ITGA1: variants seen among roughly 807,000 people sequenced by gnomAD.
The protein encoded by ITGA1 is integrin subunit alpha 1.
ITGA1 carries 85 observed loss-of-function variants against 145.9 expected under a neutral mutation model. The ratio of observed to expected loss-of-function variants is 0.58; its 90% CI spans 0.49 to 0.70. The LOEUF (loss-of-function observed/expected upper bound fraction) is 0.70, where lower values mean the gene tolerates loss of function less well. Among genes scored for constraint, ITGA1 ranks in the 30% least tolerant of loss-of-function variants. The pLI is 0.00. For missense variants in ITGA1, 1,351 were observed against 1,418.7 expected (o/e 0.95, Z 0.77); for synonymous variants, 520 against 495.3 (o/e 1.05, Z -0.66).
At chr5:52,801,218 T>G (rs1748473971) in intron 1 of ITGA1, 1 of 1,293,908 alleles carries the variant, frequency 7.7e-7, no homozygotes, top group Admixed American at 2.3e-5. Flanking sequence ...GAAGAGAAAG[T>G]CTTTACTTAG....
intron 1 of ITGA1, among the ~76,000 whole-genome samples, chr5:52,826,190 T>A (rs183436125): frequency 6.6e-6 from 1 of 152,278 alleles, no homozygotes; most frequent in Non-Finnish European, 1.5e-5. Context: ...AAAGCAGCCT[T>A]ATTGCTGATA....
chr5:52,908,971 T>G lies in ITGA1; in HGVS notation c.1529T>G (p.Val510Gly), dbSNP rs1461860609. The G allele has an allele frequency of 6.2e-7, 1 of 1,613,882 alleles. No homozygotes were observed. Among genetic ancestry groups the G allele is most frequent in the Non-Finnish European group, 8.5e-7 (1 of 1,179,828 alleles). ...DKDSNTDILL[V>G]GAPMYMGTEK... ...GATTCTAATACTGACATTCTTCTAG[T>G]CGGAGCCCCTATGTACATGGGAACA... Residue 510 changes from valine (V) to glycine (G), a missense_variant, in exon 13 of 29, where the codon GTC (valine) becomes GGC (glycine). Transcript: ENST00000282588.
Position 52,884,061 on chromosome 5 carries a change from G to C in ITGA1, c.773+2040G>C, listed in dbSNP as rs138919429. On this transcript the variant is annotated intron_variant, in intron 7 of 28. Transcript: ENST00000282588. Reference sequence around the variant, plus strand: ...CCTAAGGAATTTGAATTTCAAAAGTGATTGAATCTCATATGATATTCGCAT... The same window carrying C: ...CCTAAGGAATTTGAATTTCAAAAGTCATTGAATCTCATATGATATTCGCAT... Among the ~76,000 whole-genome samples the C allele has an allele frequency of 1.3e-3, 195 of 152,278 alleles. 2 individuals carry two copies. In the South Asian group the frequency reaches 0.033, roughly 26 times the overall value.
intron 6 of ITGA1, among the ~76,000 whole-genome samples, chr5:52,876,426 C>A (rs1749866739): frequency 6.6e-6 from 1 of 152,156 alleles, no homozygotes; most frequent in Non-Finnish European, 1.5e-5. Flanking sequence ...TCACAGCACA[C>A]CTTACTCTTT....
chr5:52,950,976 C>T (rs967482619), intron 28 of ITGA1, among the ~76,000 whole-genome samples: 5 of 152,096 alleles, frequency 3.3e-5, no homozygotes, highest in Non-Finnish European at 5.9e-5. Flanking sequence ...GGAGAGCTGG[C>T]ATTTGGGGAA....
At chr5:52,928,609 C>T (rs1750848195) in intron 20 of ITGA1, among the ~76,000 whole-genome samples, 1 of 152,148 alleles carries the variant, frequency 6.6e-6, no homozygotes, top group Admixed American at 6.5e-5. Flanking sequence ...AGCCTTTCTC[C>T]CAAGCCCAGG....
Position 52,791,433 on chromosome 5 carries a change from C to A in ITGA1, c.61+3019C>A, listed in dbSNP as rs539223735. ...GGAGTTGTGGTCATAAAAAGGAATG[C>A]AGCTAGTGACAAAATTGAAGCCCAG... On this transcript the variant is annotated intron_variant, in intron 1 of 28. Transcript: ENST00000282588. Among the ~76,000 whole-genome samples the A allele has an allele frequency of 1.2e-4, 19 of 152,206 alleles. 1 individual carries two copies. The South Asian group carries it at 1.4e-3, about 12-fold the overall frequency.
chr5:52,854,225 G>A (rs1446638694), intron 2 of ITGA1, among the ~76,000 whole-genome samples: 9 of 152,184 alleles, frequency 5.9e-5, no homozygotes, highest in South Asian at 2.1e-4. Context: ...ATGGGCTCAT[G>A]TGATTGATGC....
At chr5:52,788,444 C>G (rs540338895) in intron 1 of ITGA1, 30 bp downstream of exon 1, 3 of 1,470,152 alleles carry the variant, frequency 2.0e-6, no homozygotes, top group East Asian at 2.9e-5. Flanking sequence ...CTGAGCATCT[C>G]CTGCTCGCGG....
chr5:52,819,670 T>C (rs1003884627), intron 1 of ITGA1, among the ~76,000 whole-genome samples: 5 of 152,258 alleles, frequency 3.3e-5, no homozygotes, highest in African/African-American at 1.2e-4. Flanking sequence ...CATTTGTCAA[T>C]GTTGGCTTTT....
intron 14 of ITGA1, among the ~76,000 whole-genome samples, chr5:52,913,090 T>G (rs985458580): frequency 2.6e-5 from 4 of 152,094 alleles, no homozygotes; most frequent in Non-Finnish European, 1.5e-5. Context: ...TCCTTTCTGT[T>G]GTTATTTTCC....
intron 6 of ITGA1, among the ~76,000 whole-genome samples, chr5:52,872,639 A>G (rs1166130513): frequency 1.5e-5 from 2 of 136,776 alleles, no homozygotes; most frequent in Non-Finnish European, 3.1e-5. Context: ...GCTCACTGCA[A>G]CCTCCGCCTC....
chr5:52,840,804 A>G (rs1490183700), intron 1 of ITGA1, among the ~76,000 whole-genome samples: 1 of 152,200 alleles, frequency 6.6e-6, no homozygotes, highest in Admixed American at 6.5e-5. Flanking sequence ...AGCCAGAATG[A>G]CCTTTATACT....
intron 1 of ITGA1, among the ~76,000 whole-genome samples, chr5:52,835,273 C>A (rs1366874501): frequency 6.6e-6 from 1 of 152,072 alleles, no homozygotes; most frequent in Non-Finnish European, 1.5e-5. Flanking sequence ...TTTAAGTACT[C>A]TAAGGAATTC....
chr5:52,821,146 T>C (rs1250350230), intron 1 of ITGA1, among the ~76,000 whole-genome samples: 1 of 152,240 alleles, frequency 6.6e-6, no homozygotes, highest in Non-Finnish European at 1.5e-5. Flanking sequence ...GGCACGTTTA[T>C]ATATACCAGC....
At chr5:52,938,447 T>C (rs1751004072) in intron 24 of ITGA1, among the ~76,000 whole-genome samples, 1 of 152,304 alleles carries the variant, frequency 6.6e-6, no homozygotes, top group Admixed American at 6.5e-5. Flanking sequence ...TTTAAAGTGT[T>C]CCCAGAAATC....
At chr5:52,854,246 A>G (rs1010761731) in intron 2 of ITGA1, among the ~76,000 whole-genome samples, 1 of 152,196 alleles carries the variant, frequency 6.6e-6, no homozygotes, top group African/African-American at 2.4e-5. Flanking sequence ...CCTATTTCCA[A>G]TAAGTCTGTG....
intron 6 of ITGA1, among the ~76,000 whole-genome samples, chr5:52,872,862 G>GA (rs1447443299): frequency 6.6e-6 from 1 of 152,070 alleles, no homozygotes; most frequent in Non-Finnish European, 1.5e-5. Context: ...CTGTTCTTGA[G>GA]AAAAATGCCT....
Position 52,929,642 on chromosome 5 carries a change from G to A in ITGA1, c.2712G>A (p.Leu904=), listed in dbSNP as rs1261179551. The A allele has an allele frequency of 5.1e-6, 8 of 1,574,286 alleles. No individual in the cohort carries two copies. The South Asian group carries it at 7.9e-5, about 16-fold the overall frequency. ...TTTTATAGGTAACTTTCAAAATATT[G>A]TTTCAGTTTAACACATCCTATCTCA... is the stretch of plus-strand genomic sequence containing the variant. The part of the protein sequence containing the change: ...RRGEMVTFKI[L]FQFNTSYLME... Residue 904 remains leucine (L), a synonymous_variant, in exon 21 of 29, where the codon TTG becomes TTA. Transcript: ENST00000282588.
Sources: allele counts gnomAD v4.1 joint callset (sites outside exome capture counted in the v4.1 genomes callset), GRCh38; gene constraint gnomAD v4.1.1; transcripts MANE v1.5; gene names NCBI Gene and HGNC (gene_info 2026-07-23, HGNC 2026-07-21).